LRRC49: variants seen among roughly 807,000 people sequenced by gnomAD.
LRRC49 encodes the protein leucine-rich repeat-containing protein 49.
A neutral mutation model predicts 83.3 loss-of-function variants in LRRC49; 50 were observed. The observed-to-expected ratio is 0.60, with a 90% CI of 0.48 to 0.76. The LOEUF is 0.76. LRRC49 is among the 30% of genes least tolerant of loss of function. LRRC49 has a pLI of 0.00. For synonymous variants in LRRC49, 286 were observed against 283.3 expected, an observed-to-expected ratio of 1.01 and a Z score of -0.10; for missense variants, 704 against 809.1, an observed-to-expected ratio of 0.87 and a Z score of 1.58.
intron 5 of LRRC49, among the ~76,000 whole-genome samples, chr15:70,909,217 C>T (rs2141119071): frequency 6.6e-6 from 1 of 152,238 alleles, no homozygotes. Context: ...GATTCTCAGA[C>T]AAATAGTAAT....
At chr15:70,934,876 G>T (rs1349447120) in intron 7 of LRRC49, among the ~76,000 whole-genome samples, 1 of 152,144 alleles carries the variant, frequency 6.6e-6, no homozygotes, top group Non-Finnish European at 1.5e-5. Context: ...GGAAGAATCT[G>T]GGAGAAGAGA....
chr15:70,898,913 C>A (rs561226518), intron 3 of LRRC49, among the ~76,000 whole-genome samples: 1 of 152,202 alleles, frequency 6.6e-6, no homozygotes, highest in African/African-American at 2.4e-5. Flanking sequence ...TGTATACCCA[C>A]ATATATATGT....
At chr15:70,994,462 C>CTTTATTTATTTATTTA (rs562148532) in intron 11 of LRRC49, among the ~76,000 whole-genome samples, 1 of 151,476 alleles carries the variant, frequency 6.6e-6, no homozygotes, top group Non-Finnish European at 1.5e-5. Context: ...TCCATATGAG[C>CTTTATTTATTTATTTA]TTTATTTATT....
At chr15:70,943,592 GCA>G (rs1455608161) in intron 8 of LRRC49, among the ~76,000 whole-genome samples, 1 of 152,180 alleles carries the variant, frequency 6.6e-6, no homozygotes, top group Non-Finnish European at 1.5e-5. Flanking sequence ...GAGGCCGCAT[GCA>G]CAGTGTGTTT....
intron 7 of LRRC49, among the ~76,000 whole-genome samples, chr15:70,926,624 T>C (rs145590803): frequency 0.2 from 30,561 of 152,034 alleles, 3,276 homozygotes; most frequent in Middle Eastern, 0.34. Flanking sequence ...CCCATTAACT[T>C]GTCATTTAAT....
chr15:70,990,495 G>C (rs2037830660), intron 11 of LRRC49, among the ~76,000 whole-genome samples: 1 of 152,234 alleles, frequency 6.6e-6, no homozygotes, highest in Admixed American at 6.5e-5. Flanking sequence ...GAAAAGCACA[G>C]TATTGGGGTG....
chr15:71,033,809 T>C (rs766658758), intron 14 of LRRC49, among the ~76,000 whole-genome samples: 4 of 152,068 alleles, frequency 2.6e-5, no homozygotes, highest in Admixed American at 1.3e-4. Flanking sequence ...ATTTAATAAA[T>C]AGTACTGGGA....
chr15:71,043,430 T>C (rs2039757345), intron 15 of LRRC49, among the ~76,000 whole-genome samples: 1 of 152,216 alleles, frequency 6.6e-6, no homozygotes, highest in Non-Finnish European at 1.5e-5. Context: ...ACAGGGATAT[T>C]GTGAGACAAA....
chr15:70,979,711 TC>T (rs1424713304), intron 9 of LRRC49, among the ~76,000 whole-genome samples: 1 of 152,080 alleles, frequency 6.6e-6, no homozygotes, highest in African/African-American at 2.4e-5. Context: ...CTATCACAGA[TC>T]CAGTCAACAT....
chr15:71,041,289 C>T (rs1326250774), intron 15 of LRRC49, among the ~76,000 whole-genome samples: 2 of 152,026 alleles, frequency 1.3e-5, no homozygotes, highest in East Asian at 1.9e-4. Context: ...ATATTTTTCT[C>T]AATACAGATA....
At chr15:70,991,153 C>T (rs1183062067) in intron 11 of LRRC49, among the ~76,000 whole-genome samples, 1 of 152,170 alleles carries the variant, frequency 6.6e-6, no homozygotes, top group African/African-American at 2.4e-5. Flanking sequence ...GGCTCACAAC[C>T]TCTTTTCTTC....
intron 2 of LRRC49, among the ~76,000 whole-genome samples, chr15:70,878,124 G>C (rs1378204601): frequency 6.6e-6 from 1 of 152,040 alleles, no homozygotes; most frequent in Non-Finnish European, 1.5e-5. Context: ...ACTCCAGCCT[G>C]GGCGACAGAG....
chr15:70,877,250 C>A (rs886287240), intron 2 of LRRC49, among the ~76,000 whole-genome samples: 2 of 152,126 alleles, frequency 1.3e-5, no homozygotes, highest in Non-Finnish European at 2.9e-5. Context: ...AATTTACATA[C>A]AACTATTAAT....
At chr15:70,863,927 C>T (rs1051188241) in intron 1 of LRRC49, among the ~76,000 whole-genome samples, 1 of 152,226 alleles carries the variant, frequency 6.6e-6, no homozygotes, top group African/African-American at 2.4e-5. Context: ...AGAATAACAT[C>T]TCACAGCTTT....
chr15:71,039,882 A>G (rs2039645074), intron 15 of LRRC49, among the ~76,000 whole-genome samples: 2 of 152,238 alleles, frequency 1.3e-5, no homozygotes, highest in South Asian at 2.1e-4. Context: ...AAATTGTTTG[A>G]GAGTATTGAA....
chr15:71,011,845 A>G (rs1034407420), intron 13 of LRRC49, among the ~76,000 whole-genome samples: 1 of 152,166 alleles, frequency 6.6e-6, no homozygotes, highest in Admixed American at 6.5e-5. Context: ...TTTAAAGAAA[A>G]TGCCTGTGAA....
intron 14 of LRRC49, among the ~76,000 whole-genome samples, chr15:71,018,250 G>A (rs2038887869): frequency 6.6e-6 from 1 of 152,296 alleles, no homozygotes; most frequent in African/African-American, 2.4e-5. Context: ...GAACACCTGG[G>A]AGGATATAGA....
chr15:70,957,217 TTTTAG>T (rs2036433702), intron 8 of LRRC49, among the ~76,000 whole-genome samples: 1 of 152,198 alleles, frequency 6.6e-6, no homozygotes, highest in African/African-American at 2.4e-5. Context: ...GTTACAATCA[TTTTAG>T]TTTAAAATTC....
At chr15:70,855,526 A>G (rs973715018) in intron 1 of LRRC49, among the ~76,000 whole-genome samples, 1 of 152,080 alleles carries the variant, frequency 6.6e-6, no homozygotes. Flanking sequence ...ATAGAAAGAC[A>G]AGTTAGGATA....
Sources: allele counts gnomAD v4.1 joint callset (sites outside exome capture counted in the v4.1 genomes callset), GRCh38; gene constraint gnomAD v4.1.1; transcripts MANE v1.5; gene names NCBI Gene and HGNC (gene_info 2026-07-23, HGNC 2026-07-21).